Variants in TSC22D1 observed in about 807,000 individuals in gnomAD.
The protein encoded by TSC22D1 is TSC22 domain family member 1.
TSC22D1 carries 9 observed loss-of-function variants against 74.2 expected under a neutral mutation model. The ratio of observed to expected loss-of-function variants is 0.12; its 90% CI spans 0.07 to 0.21. TSC22D1 has a LOEUF of 0.21. Ranked by LOEUF, TSC22D1 falls within the 10% of genes least tolerant of loss-of-function variation. The pLI, the probability that TSC22D1 is intolerant of heterozygous loss-of-function variation, is 1.00. For missense variants in TSC22D1, 1,427 were observed against 1,304.7 expected (o/e 1.09, Z -1.44); for synonymous variants, 586 against 492.5 (o/e 1.19, Z -2.51).
At chr13:44,503,319 A>G (rs1253741075) in intron 1 of TSC22D1, among the ~76,000 whole-genome samples, 1 of 150,806 alleles carries the variant, frequency 6.6e-6, no homozygotes, top group Non-Finnish European at 1.5e-5. Context: ...CAGATATCCT[A>G]AAGTACACAG....
intron 1 of TSC22D1, among the ~76,000 whole-genome samples, chr13:44,533,786 G>A (rs1393243522): frequency 1.3e-5 from 2 of 151,958 alleles, no homozygotes; most frequent in South Asian, 2.1e-4. Context: ...CTTGTCTCCA[G>A]AACAAACAAA....
At chr13:44,491,526 C>G (rs1268554737) in intron 1 of TSC22D1, among the ~76,000 whole-genome samples, 1 of 150,108 alleles carries the variant, frequency 6.7e-6, no homozygotes, top group Non-Finnish European at 1.5e-5. Flanking sequence ...TGCACTCCAG[C>G]CTGGGAGGCA....
Position 44,529,233 on chromosome 13 carries a change from A to G in TSC22D1, c.2912+43930T>C, listed in dbSNP as rs556480964. On this transcript the variant is annotated intron_variant, in intron 1 of 2. Transcript: ENST00000458659. Reference sequence around the variant, plus strand: ...ATAAAAAAAATTCTACACCATGACCAAGTGAGATTTTTCCATATATACGAG... The same window carrying G: ...ATAAAAAAAATTCTACACCATGACCGAGTGAGATTTTTCCATATATACGAG... 5.9e-5 allele frequency among the ~76,000 whole-genome samples: 9 copies of G among 152,232 alleles called. No homozygotes were observed. In the South Asian group the frequency reaches 1.9e-3, roughly 32 times the overall value.
chr13:44,471,204 C>T (rs1877582120), intron 1 of TSC22D1, among the ~76,000 whole-genome samples: 1 of 152,078 alleles, frequency 6.6e-6, no homozygotes, highest in African/African-American at 2.4e-5. Context: ...CATAAATTTT[C>T]TAATTTTAAA....
At chr13:44,577,343 G>C (rs992748238), upstream of TSC22D1, 1 of 152,450 alleles carries the variant, frequency 6.6e-6, no homozygotes, top group African/African-American at 2.4e-5. Flanking sequence ...GGAGGGACCA[G>C]CGCGGAGCGC....
chr13:44,476,041 G>A (rs1390083039), intron 1 of TSC22D1, among the ~76,000 whole-genome samples: 2 of 152,118 alleles, frequency 1.3e-5, no homozygotes, highest in African/African-American at 2.4e-5. Context: ...ATATACTCTG[G>A]GGACTCCAAA....
chr13:44,496,445 G>A (rs1878980968), intron 1 of TSC22D1, among the ~76,000 whole-genome samples: 1 of 152,178 alleles, frequency 6.6e-6, no homozygotes, highest in Non-Finnish European at 1.5e-5. Context: ...CACTTTGGGA[G>A]GCCGAGGCGG....
chr13:44,449,754 C>A (rs1875972632), intron 1 of TSC22D1, among the ~76,000 whole-genome samples: 1 of 152,138 alleles, frequency 6.6e-6, no homozygotes, highest in Non-Finnish European at 1.5e-5. Flanking sequence ...ATGAGGGTCA[C>A]TTTTTAGCAT....
chr13:44,573,075 T>A, intron 1 of TSC22D1, 88 bp downstream of exon 1: 1 of 1,488,052 alleles, frequency 6.7e-7, no homozygotes, highest in Non-Finnish European at 8.9e-7. Context: ...TATACAATGT[T>A]TTAGAGTCAT....
chr13:44,543,780 A>T (rs1881628082), intron 1 of TSC22D1, among the ~76,000 whole-genome samples: 1 of 152,218 alleles, frequency 6.6e-6, no homozygotes, highest in Non-Finnish European at 1.5e-5. Context: ...TCCTAAAGAA[A>T]ACAAAAAATT....
At chr13:44,455,668 C>T (rs1876535409) in intron 1 of TSC22D1, among the ~76,000 whole-genome samples, 1 of 152,130 alleles carries the variant, frequency 6.6e-6, no homozygotes, top group Non-Finnish European at 1.5e-5. Flanking sequence ...AATGATAGCT[C>T]TTTTTTGAGT....
At chr13:44,555,184 A>G (rs1234673419) in intron 1 of TSC22D1, among the ~76,000 whole-genome samples, 1 of 151,866 alleles carries the variant, frequency 6.6e-6, no homozygotes, top group South Asian at 2.1e-4. Context: ...ATCCAGTTTT[A>G]AAATATTATC....
At chr13:44,456,693 A>T (rs538998756) in intron 1 of TSC22D1, among the ~76,000 whole-genome samples, 22 of 152,294 alleles carry the variant, frequency 1.4e-4, no homozygotes, top group African/African-American at 5.3e-4. Context: ...CTAAAAGATT[A>T]CATGGATAAA....
intron 1 of TSC22D1, among the ~76,000 whole-genome samples, chr13:44,525,795 CAAAAAAAAA>C (rs59399056): frequency 4.5e-5 from 4 of 88,552 alleles, no homozygotes; most frequent in African/African-American, 1.4e-4. Context: ...TAGCTTTTAA[CAAAAAAAAA>C]AAAAAAAAAA....
chr13:44,494,375 C>CAAAAAAAAAAAAAAAAAA (rs57468850), intron 1 of TSC22D1, among the ~76,000 whole-genome samples: 1 of 26,474 alleles, frequency 3.8e-5, no homozygotes, highest in Non-Finnish European at 5.9e-5. Context: ...GACTCCGTAT[C>CAAAAAAAAAAAAAAAAAA]AAAAAAAAAA....
intron 1 of TSC22D1, among the ~76,000 whole-genome samples, chr13:44,445,938 A>C (rs560243605): frequency 6.6e-6 from 1 of 152,212 alleles, no homozygotes; most frequent in Non-Finnish European, 1.5e-5. Context: ...GGGAATGAAA[A>C]ATGGTACAAC....
At chr13:44,535,873 T>A (rs1881105426) in intron 1 of TSC22D1, among the ~76,000 whole-genome samples, 1 of 151,966 alleles carries the variant, frequency 6.6e-6, no homozygotes. Context: ...CCATTATCTT[T>A]GCAATATTTT....
intron 1 of TSC22D1, among the ~76,000 whole-genome samples, chr13:44,476,110 T>G (rs946677244): frequency 2.0e-5 from 3 of 152,196 alleles, no homozygotes; most frequent in African/African-American, 7.2e-5. Flanking sequence ...GGATTATAAT[T>G]AATAAAAACT....
chr13:44,524,582 T>C (rs1203715386), intron 1 of TSC22D1, among the ~76,000 whole-genome samples: 1 of 152,174 alleles, frequency 6.6e-6, no homozygotes, highest in Non-Finnish European at 1.5e-5. Context: ...GTTTCACTCT[T>C]GTCACCCAGG....
Sources: allele counts gnomAD v4.1 joint callset (sites outside exome capture counted in the v4.1 genomes callset), GRCh38; gene constraint gnomAD v4.1.1; transcripts MANE v1.5; gene names NCBI Gene and HGNC (gene_info 2026-07-23, HGNC 2026-07-21).